The following HSH2D variants were observed in gnomAD, a reference collection of about 807,000 sequenced individuals.
HSH2D encodes the protein hematopoietic SH2 domain containing, also known as hematopoietic SH2 domain-containing protein.
HSH2D carries 16 observed loss-of-function variants against 21.5 expected under a neutral mutation model. That is an observed-to-expected ratio of 0.74 (90% CI 0.50 to 1.13). HSH2D has a LOEUF of 1.13. Ranked by LOEUF, HSH2D falls within the 50% of genes most tolerant of loss-of-function variation. The pLI is 0.00. For synonymous variants in HSH2D, 172 were observed against 184.7 expected, an observed-to-expected ratio of 0.93 and a Z score of 0.56; for missense variants, 418 against 441.4, an observed-to-expected ratio of 0.95 and a Z score of 0.47.
At chr19:16,155,619 C>CTTTTTTT (rs35262744) in intron 5 of HSH2D, 148 of 114,148 alleles carry the variant, frequency 1.3e-3, no homozygotes, top group African/African-American at 4.6e-3. Context: ...CATGGGAGGA[C>CTTTTTTT]TTTTTTTTTT....
At chr19:16,141,240 T>C (rs1686515089), upstream of HSH2D, among the ~76,000 whole-genome samples, 2 of 152,184 alleles carry the variant, frequency 1.3e-5, no homozygotes, top group South Asian at 4.1e-4. Flanking sequence ...TAGACCTTGT[T>C]GACCACAGAG....
In HSH2D at chr19:16,157,679, G is replaced by C. The variant is rs775929066; in HGVS notation, c.944G>C (p.Arg315Thr). 6.2e-6 allele frequency: 10 copies of C among 1,613,366 alleles called. No homozygotes were observed. The highest frequency in any genetic ancestry group is 8.5e-6 in the Non-Finnish European group (10 of 1,179,666). ...GDRSWHQMVV[R>T]ALSSQESKPE... ...AGGAGTTGGCACCAAATGGTAGTGA[G>C]AGCCCTATCCTCCCAGGAGTCCAAG... Residue 315 changes from arginine to threonine, a missense_variant, in exon 6 of 6, where the codon AGA (arginine) becomes ACA (threonine). Transcript: ENST00000613986. The surrounding 1 kb of genome is among the most constrained non-coding windows in gnomAD (Gnocchi z 4.4).
chr19:16,138,527 A>G (rs540578885), intron 1 of HSH2D, among the ~76,000 whole-genome samples: 2 of 152,082 alleles, frequency 1.3e-5, no homozygotes, highest in Admixed American at 6.5e-5. Context: ...GCAAGATCTC[A>G]GCTCACTGCA....
intron 5 of HSH2D, among the ~76,000 whole-genome samples, chr19:16,156,177 G>A (rs934699494): frequency 6.6e-6 from 1 of 151,752 alleles, no homozygotes; most frequent in African/African-American, 2.4e-5. Context: ...AACACAGCAA[G>A]CCCGTCTCCA....
intron 5 of HSH2D, 120 bp downstream of exon 5, chr19:16,154,611 T>C: frequency 1.7e-6 from 1 of 588,162 alleles, no homozygotes; most frequent in Non-Finnish European, 3.0e-6. Flanking sequence ...AGCTTGGTGC[T>C]TTAAACCTTT....
At chr19:16,152,843 T>C (rs939710551) in intron 3 of HSH2D, 200 bp from the exon 4 acceptor site, 1 of 771,982 alleles carries the variant, frequency 1.3e-6, no homozygotes, top group Non-Finnish European at 2.2e-6. Flanking sequence ...GCCTTTGTAC[T>C]CCTGTGTTAT....
chr19:16,144,299 G>A (rs2091033845), intron 1 of HSH2D, among the ~76,000 whole-genome samples: 1 of 151,918 alleles, frequency 6.6e-6, no homozygotes, highest in Non-Finnish European at 1.5e-5. Flanking sequence ...AGTCATGGCT[G>A]GACCAGAGAG....
chr19:16,144,686 C>CTTTTTTTTTTT (rs35070155), intron 1 of HSH2D, among the ~76,000 whole-genome samples: 6 of 85,932 alleles, frequency 7.0e-5, no homozygotes, highest in South Asian at 4.5e-4. Flanking sequence ...ATTCTAGGCT[C>CTTTTTTTTTTT]TTTTTTTTTT....
intron 5 of HSH2D, among the ~76,000 whole-genome samples, chr19:16,156,306 C>A (rs946415741): frequency 1.3e-5 from 2 of 151,658 alleles, no homozygotes; most frequent in Non-Finnish European, 2.9e-5. Flanking sequence ...GCCATGATTG[C>A]ACCACTGCAC....
chr19:16,142,770 T>TTTTG (rs889787411), upstream of HSH2D, among the ~76,000 whole-genome samples: 12 of 140,462 alleles, frequency 8.5e-5, no homozygotes, highest in Admixed American at 3.6e-4. Flanking sequence ...GCTGGTGTTT[T>TTTTG]TTTGTTTGTT....
rs1163051532 is a variant in HSH2D at position 16,157,348 on chromosome 19, A to T, written c.613A>T (p.Arg205Trp). 1 of 1,613,928 alleles carries T rather than the reference A, an allele frequency of 6.2e-7. No individual in the cohort carries two copies. Among genetic ancestry groups the T allele is most frequent in the South Asian group, 1.1e-5 (1 of 91,076 alleles). ...TGGAGAGACCCGCCAGAAACTCTGG[A>T]GGAGCCTCAAAATGCTCCCCGAGAG... ...PLGETRQKLW[R>W]SLKMLPERGQ... The change falls in exon 6 of 6, where the codon AGG (arginine) becomes TGG (tryptophan). Residue 205 changes from arginine (R) to tryptophan (W), a missense_variant. Coordinates refer to ENST00000613986, the MANE Select transcript of HSH2D (RefSeq NM_001382417.1). This position sits in a 1 kb window ranked among gnomAD's most constrained non-coding sequence, Gnocchi z 4.4.
chr19:16,140,317 T>A (rs2145013188), upstream of HSH2D, among the ~76,000 whole-genome samples: 1 of 150,898 alleles, frequency 6.6e-6, no homozygotes, highest in East Asian at 2.0e-4. Flanking sequence ...AAATAAAAAA[T>A]AAAAATAAAT....
chr19:16,154,792 A>G (rs1041888570), intron 5 of HSH2D: 2 of 254,458 alleles, frequency 7.9e-6, no homozygotes, highest in African/African-American at 4.5e-5. Context: ...CCTTTGCACA[A>G]ACTGTGTGCC....
chr19:16,149,264 G>A (rs1006254333), intron 2 of HSH2D, among the ~76,000 whole-genome samples: 81 of 152,242 alleles, frequency 5.3e-4, no homozygotes, highest in African/African-American at 1.9e-3. Flanking sequence ...GTGCAGTGGT[G>A]CAATCTTGGC....
chr19:16,138,427 T>C (rs1202494434), intron 1 of HSH2D, among the ~76,000 whole-genome samples: 2 of 152,220 alleles, frequency 1.3e-5, no homozygotes, highest in Non-Finnish European at 2.9e-5. Flanking sequence ...CATACCAAGT[T>C]CTTTCCTACC....
Position 16,153,049 on chromosome 19 carries a change from A to G in HSH2D, c.222A>G (p.Gln74=), listed in dbSNP as rs1459755489. ...CCCCGCAGTGTCTCCGCAGAGCCCAAAGCAGCTGCTGCCATTTCATGGTGA... is the reference window on the plus strand; with the variant it reads ...CCCCGCAGTGTCTCCGCAGAGCCCAGAGCAGCTGCTGCCATTTCATGGTGA... ...HVGYTLSYKA[Q]SSCCHFMVKL... is the part of the protein sequence containing the mutation. Residue 74 remains glutamine, a synonymous_variant, in exon 4 of 6, where the codon CAA becomes CAG. Transcript: ENST00000613986. 11 of 1,609,692 alleles carry G rather than the reference A, an allele frequency of 6.8e-6. No homozygotes were observed. The highest frequency in any genetic ancestry group is 7.6e-6 in the Non-Finnish European group (9 of 1,178,268).
intron 1 of HSH2D, among the ~76,000 whole-genome samples, chr19:16,147,507 A>C (rs568523809): frequency 9.2e-5 from 14 of 151,824 alleles, no homozygotes; most frequent in African/African-American, 2.2e-4. Context: ...AAGAAAAAAA[A>C]CACAATGGCA....
intron 5 of HSH2D, among the ~76,000 whole-genome samples, chr19:16,155,123 A>G (rs573171251): frequency 6.6e-6 from 1 of 152,290 alleles, no homozygotes; most frequent in Admixed American, 6.5e-5. Flanking sequence ...AGATGAATGA[A>G]TGTATCACAG....
chr19:16,157,625 T>G lies in HSH2D; in HGVS notation c.890T>G (p.Val297Gly), dbSNP rs114192722. ...CCCACCAGGAAGGCCGAGAGGTCGG[T>G]CAGCTGCATTGAGGTGACCCCAGGG... ...KVPTRKAERS[V>G]SCIEVTPGDR... The change falls in exon 6 of 6, where the codon GTC (valine) becomes GGC (glycine). Residue 297 changes from valine (V) to glycine (G), a missense_variant. Transcript: ENST00000613986. The surrounding 1 kb of genome is among the most constrained non-coding windows in gnomAD (Gnocchi z 4.4). 2.0e-3 allele frequency: 3,249 copies of G among 1,613,746 alleles called. 76 individuals are homozygous for G. The African/African-American group carries it at 0.038, about 19-fold the overall frequency.
Sources: allele counts gnomAD v4.1 joint callset (sites outside exome capture counted in the v4.1 genomes callset), GRCh38; gene constraint gnomAD v4.1.1; non-coding constraint Gnocchi (gnomAD v3.1); transcripts MANE v1.5; gene names NCBI Gene and HGNC (gene_info 2026-07-23, HGNC 2026-07-21).